KMT2E: variants seen among roughly 807,000 people sequenced by gnomAD.
KMT2E encodes the protein lysine methyltransferase 2E (inactive), also known as histone reader KMT2E.
In KMT2E, 30 loss-of-function variants were observed where a neutral mutation model predicts 184.6. The ratio of observed to expected loss-of-function variants is 0.16; its 90% CI spans 0.12 to 0.22. The LOEUF is 0.22. Among genes scored for constraint, KMT2E ranks in the 10% least tolerant of loss-of-function variants. The probability of loss-of-function intolerance (pLI) is 1.00; values close to 1 mark genes in which losing one functional copy is unlikely to be tolerated. For missense variants in KMT2E, 2,023 were observed against 2,237.4 expected, an observed-to-expected ratio of 0.90 and a Z score of 1.93; for synonymous variants, 815 against 776.5, an observed-to-expected ratio of 1.05 and a Z score of -0.82.
rs531700695 is a variant in KMT2E, at chr7:105,113,504, G to T, written c.*171G>T. ...GCTTTTTAAAATTCCTTTAAAAAAT[G>T]TGCTGTTAAGCCAGTATTAGGTATC... On this transcript the variant is annotated 3_prime_UTR_variant, in exon 27 of 27. Transcript: ENST00000311117. 15 of 711,758 alleles carry T rather than the reference G, an allele frequency of 2.1e-5. No homozygotes were observed. Among genetic ancestry groups the T allele is most frequent in the Admixed American group, 3.4e-5 (1 of 29,194 alleles). The allele number at this position is 711,758 out of a possible 1,614,324, so 44.1% of individuals were successfully genotyped here. A position where few individuals can be genotyped will look rare whatever the true frequency, so the allele number is the denominator to read the frequency against.
Position 105,105,569 on chromosome 7 carries a change from G to T in KMT2E, c.2327G>T (p.Gly776Val). Reference sequence around the variant, plus strand: ...GCTACACAACTCAATTCTTTACCAGGTCTCACTTACAGCCCCCATGTATAC... The same window carrying T: ...GCTACACAACTCAATTCTTTACCAGTTCTCACTTACAGCCCCCATGTATAC... ...VLATQLNSLP[G>V]LTYSPHVYST... Residue 776 changes from glycine to valine, a missense_variant, in exon 18 of 27, where the codon GGT (glycine) becomes GTT (valine). By Grantham distance (109) the Gly-to-Val change is moderately radical (BLOSUM62 -3). Transcript: ENST00000311117. The T allele has an allele frequency of 6.2e-7, 1 of 1,613,994 alleles. No individual in the cohort carries two copies. The highest frequency in any genetic ancestry group is 2.2e-5 in the East Asian group (1 of 44,860).
At position 105,091,199 on chromosome 7, in the gene KMT2E, T is replaced by G. The variant is rs370777672; in HGVS notation, c.1624-17T>G. The G allele has an allele frequency of 8.6e-7, 1 of 1,159,576 alleles. No homozygotes were observed. The highest frequency in any genetic ancestry group is 1.3e-6 in the Non-Finnish European group (1 of 771,908). 71.8% of individuals were successfully genotyped at this position (1,159,576 alleles called of 1,614,324 possible). ...TGGAATAATAGTTTGTATAAAGAAG[T>G]CATTTCCATTTTTCAGGAACCAGAT... On this transcript the variant is annotated splice_polypyrimidine_tract_variant and intron_variant, in intron 14 of 26. Transcript: ENST00000311117.
At chr7:105,029,419 A>G (rs1795310768) in intron 1 of KMT2E, among the ~76,000 whole-genome samples, 1 of 152,228 alleles carries the variant, frequency 6.6e-6, no homozygotes. Context: ...TTGGTTTTAA[A>G]ATAGAATAGT....
rs1797562811 is a variant in KMT2E at position 105,077,126 on chromosome 7, A to G, written c.932A>G (p.Asn311Ser). Reference protein sequence around the residue: ...QRIALRLGNGNDKKEMNKSDL... With the variant: ...QRIALRLGNGSDKKEMNKSDL... Reference sequence around the variant, plus strand: ...ATAGCTCTGAGATTAGGCAATGGAAATGACAAAAAAGAGATGAATAAATCC... The same window carrying G: ...ATAGCTCTGAGATTAGGCAATGGAAGTGACAAAAAAGAGATGAATAAATCC... The change falls in exon 10 of 27, where the codon AAT becomes AGT. Residue 311 changes from asparagine (N) to serine (S), a missense_variant. Physicochemically the swap from Asn to Ser is conservative, Grantham distance 46. This residue lies in a region of KMT2E where 191 missense variants were observed against 209.0 expected (regional missense o/e 0.91). Coordinates refer to ENST00000311117, the MANE Select transcript of KMT2E (RefSeq NM_182931.3). 1 of 1,614,124 alleles carries G rather than the reference A, an allele frequency of 6.2e-7. No individual in the cohort carries two copies. The highest frequency in any genetic ancestry group is 8.5e-7 in the Non-Finnish European group (1 of 1,180,008).
chr7:105,112,132 C>G lies in KMT2E; in HGVS notation c.4376C>G (p.Pro1459Arg). Residue 1459 changes from proline to arginine, a missense_variant, in exon 27 of 27, where the codon CCT becomes CGT. By Grantham distance (103) the Pro-to-Arg change is moderately radical. Around this residue, in one of 8 missense-constraint regions of KMT2E, gnomAD observed 1,108 missense variants for 1,050.9 expected, o/e 1.05. Transcript: ENST00000311117. ...CCAAAGTCATCCACGCCTCACACAC[C>G]TGTACAGCATGGTTATCTTTCACCA... is the stretch of plus-strand genomic sequence containing the variant. ...NPPKSSTPHTPVQHGYLSPKP... is the reference protein window; with the variant it reads ...NPPKSSTPHTRVQHGYLSPKP... 1 of 1,614,178 alleles carries G rather than the reference C, an allele frequency of 6.2e-7. No individual in the cohort carries two copies. Among genetic ancestry groups the G allele is most frequent in the Non-Finnish European group, 8.5e-7 (1 of 1,180,034 alleles).
chr7:105,091,195 G>A (rs764224197), intron 14 of KMT2E, 21 bp from the exon 15 acceptor site: 9 of 1,097,316 alleles, frequency 8.2e-6, no homozygotes, highest in Non-Finnish European at 1.3e-5. Context: ...TTTGTATAAA[G>A]AAGTCATTTC....
intron 1 of KMT2E, among the ~76,000 whole-genome samples, chr7:105,021,194 G>A (rs987513621): frequency 6.6e-6 from 1 of 152,220 alleles, no homozygotes; most frequent in Admixed American, 6.5e-5. Flanking sequence ...TCTCAGGTTG[G>A]TCTGATACAT....
chr7:105,066,709 T>C lies in KMT2E; in HGVS notation c.417-18T>C. On this transcript the variant is annotated intron_variant, in intron 5 of 26. Transcript: ENST00000311117. ...GACTTAAATAATATTACATATGTTC[T>C]GCTTTTTTTTTTTTAAGCGTTTGGC... The C allele has an allele frequency of 3.8e-6, 6 of 1,571,206 alleles. No individual in the cohort carries two copies. Among genetic ancestry groups the C allele is most frequent in the Non-Finnish European group, 5.2e-6 (6 of 1,144,664 alleles).
At chr7:105,042,807 A>G (rs991254984) in intron 3 of KMT2E, among the ~76,000 whole-genome samples, 2 of 152,268 alleles carry the variant, frequency 1.3e-5, no homozygotes, top group African/African-American at 4.8e-5. Context: ...AAATGGACAG[A>G]TTTTGATCGC....
chr7:105,066,711 CTTT>C lies in KMT2E; in HGVS notation c.417-6_417-4del, dbSNP rs543092880. The C allele has an allele frequency of 8.9e-6, 11 of 1,234,684 alleles. No homozygotes were observed. The highest frequency in any genetic ancestry group is 2.1e-4 in the Middle Eastern group (1 of 4,866). 76.5% of individuals were successfully genotyped at this position (1,234,684 alleles called of 1,614,324 possible). ...CTTAAATAATATTACATATGTTCTGCTTTTTTTTTTTTAAGCGTTTGGCAACAT... is the reference window on the plus strand; with the variant it reads ...CTTAAATAATATTACATATGTTCTGCTTTTTTTTTAAGCGTTTGGCAACAT... On this transcript the variant is annotated splice_polypyrimidine_tract_variant and intron_variant, in intron 5 of 26. Coordinates refer to ENST00000311117, the MANE Select transcript of KMT2E (RefSeq NM_182931.3).
intron 1 of KMT2E, among the ~76,000 whole-genome samples, chr7:105,016,720 G>C (rs1487431351): frequency 2.0e-5 from 3 of 152,180 alleles, no homozygotes; most frequent in African/African-American, 7.2e-5. Context: ...GGAAAGATGA[G>C]TGCTTTTCAA....
At position 105,114,677 on chromosome 7, in the gene KMT2E, G is replaced by T. The variant is rs887268110; in HGVS notation, c.*1344G>T. ...AATTACCTGACATAATTTGGCACAG[G>T]ATACAAATTCTGTGCATCAGAGAAA... is the stretch of plus-strand genomic sequence containing the variant. On this transcript the variant is annotated 3_prime_UTR_variant, in exon 27 of 27. Transcript: ENST00000311117. 6.6e-6 allele frequency among the ~76,000 whole-genome samples: 1 copy of T among 152,090 alleles called. No individual in the cohort carries two copies. Among genetic ancestry groups the T allele is most frequent in the African/African-American group, 2.4e-5 (1 of 41,400 alleles).
At chr7:105,021,915 T>C (rs1374463176) in intron 1 of KMT2E, among the ~76,000 whole-genome samples, 1 of 152,162 alleles carries the variant, frequency 6.6e-6, no homozygotes, top group Non-Finnish European at 1.5e-5. Flanking sequence ...TAAAATTTAC[T>C]GAAAATTTAC....
chr7:105,056,840 A>G (rs1416438084), intron 3 of KMT2E, among the ~76,000 whole-genome samples: 2 of 152,220 alleles, frequency 1.3e-5, no homozygotes, highest in African/African-American at 4.8e-5. Context: ...TTTGAACTTC[A>G]TATTGCTGGG....
At chr7:105,043,638 T>A (rs796881913) in intron 3 of KMT2E, among the ~76,000 whole-genome samples, 10 of 152,344 alleles carry the variant, frequency 6.6e-5, no homozygotes, top group African/African-American at 2.4e-4. Context: ...ACAAATAAGA[T>A]TTTAAATTTG....
rs1797455150 is a variant in KMT2E, at chr7:105,074,660, A to G, written c.574A>G (p.Thr192Ala). The change falls in exon 8 of 27, where the codon ACT becomes GCT. Residue 192 changes from threonine to alanine, a missense_variant. Physicochemically the swap from Thr to Ala is moderately conservative, Grantham distance 58. This residue lies in a region of KMT2E where 191 missense variants were observed against 209.0 expected (regional missense o/e 0.91). Transcript: ENST00000311117. ...ENMSDGDTSA[T>A]ESGDEVPVEL... ...GTCTGAAGATGGTGATACCAGTGCA[A>G]CTGAGAGTGGTGATGAGGTTCCTGT... The G allele has an allele frequency of 1.3e-6, 2 of 1,556,164 alleles. No homozygotes were observed. The highest frequency in any genetic ancestry group is 1.7e-6 in the Non-Finnish European group (2 of 1,152,678).
At chr7:105,108,633 A>C (rs1414496186) in intron 22 of KMT2E, 1 of 461,872 alleles carries the variant, frequency 2.2e-6, no homozygotes, top group East Asian at 6.2e-5. Context: ...TCCCGGCTCC[A>C]ACACTCACCA....
intron 1 of KMT2E, among the ~76,000 whole-genome samples, chr7:105,024,248 G>A (rs1208388808): frequency 6.6e-6 from 1 of 152,146 alleles, no homozygotes; most frequent in East Asian, 1.9e-4. Flanking sequence ...CATTTGGTAG[G>A]TGCTTTAAAA....
Position 105,113,473 on chromosome 7 carries a change from A to C in KMT2E, c.*140A>C. 13 of 993,604 alleles carry C rather than the reference A, an allele frequency of 1.3e-5. No homozygotes were observed. Among genetic ancestry groups the C allele is most frequent in the Non-Finnish European group, 1.8e-5 (13 of 715,320 alleles). The allele number at this position is 993,604 out of a possible 1,614,324, so 61.5% of individuals were successfully genotyped here. A position where few individuals can be genotyped will look rare whatever the true frequency, so the allele number is the denominator to read the frequency against. On this transcript the variant is annotated 3_prime_UTR_variant, in exon 27 of 27. Transcript: ENST00000311117. Reference sequence around the variant, plus strand: ...AGTGCTCTTTCGTTGTATTTTTCTCATTTTTGCTTTTTAAAATTCCTTTAA... The same window carrying C: ...AGTGCTCTTTCGTTGTATTTTTCTCCTTTTTGCTTTTTAAAATTCCTTTAA...
Sources: gnomAD v4.1 joint callset for allele counts (sites outside exome capture counted in the v4.1 genomes callset) on GRCh38, gnomAD v4.1.1 for gene constraint, gnomAD v4.1.1 regional missense constraint, MANE v1.5 for transcripts, NCBI Gene and HGNC (gene_info 2026-07-23, HGNC 2026-07-21) for gene names.